ZC3H12B: variants seen among roughly 807,000 people sequenced by gnomAD.
ZC3H12B encodes the protein probable ribonuclease ZC3H12B.
A neutral mutation model predicts 43.9 loss-of-function variants in ZC3H12B; 7 were observed. The ratio of observed to expected loss-of-function variants is 0.16; its 90% CI spans 0.09 to 0.30. The LOEUF (loss-of-function observed/expected upper bound fraction) is 0.30, where lower values mean the gene tolerates loss of function less well. ZC3H12B is among the 10% of genes least tolerant of loss of function. The probability of loss-of-function intolerance (pLI) is 1.00; values close to 1 mark genes in which losing one functional copy is unlikely to be tolerated. For synonymous variants in ZC3H12B, 222 were observed against 241.7 expected, an observed-to-expected ratio of 0.92 and a Z score of 0.76; for missense variants, 475 against 670.2, an observed-to-expected ratio of 0.71 and a Z score of 3.22.
intron 3 of ZC3H12B, among the ~76,000 whole-genome samples, chrX:65,416,725 C>A (rs1247189621): frequency 5.6e-5 from 6 of 107,664 alleles, no homozygotes; most frequent in African/African-American, 1.7e-4. Context: ...GAAGGCGGAG[C>A]TTGCAGTGAG....
chrX:65,040,970 G>T, the ZC3H12B span, among the ~76,000 whole-genome samples: 1 of 111,417 alleles, frequency 9.0e-6, no homozygotes, highest in African/African-American at 3.3e-5. Context: ...TAGAGACCGG[G>T]TTTCACCATG....
chrX:65,297,437 C>T, the ZC3H12B span, among the ~76,000 whole-genome samples: 1 of 110,784 alleles, frequency 9.0e-6, no homozygotes, highest in African/African-American at 3.3e-5. Context: ...ATATACCTAA[C>T]CAAGGAGGTG....
At chrX:65,065,028 T>C in the ZC3H12B span, among the ~76,000 whole-genome samples, 1 of 111,080 alleles carries the variant, frequency 9.0e-6, no homozygotes, top group Non-Finnish European at 1.9e-5. Flanking sequence ...TTTCAGCCTA[T>C]GTGTGTCTTT....
At chrX:65,234,448 G>A in the ZC3H12B span, among the ~76,000 whole-genome samples, 2 of 111,713 alleles carry the variant, frequency 1.8e-5, no homozygotes, top group South Asian at 7.5e-4. Flanking sequence ...AAGATCTGGA[G>A]CAAGACAAGG....
chrX:65,449,550 T>C (rs1460295053), intron 3 of ZC3H12B, among the ~76,000 whole-genome samples: 1 of 108,863 alleles, frequency 9.2e-6, no homozygotes, highest in African/African-American at 3.4e-5. Flanking sequence ...ACCCAGGAGG[T>C]GGAGGTTGCA....
the ZC3H12B span, among the ~76,000 whole-genome samples, chrX:65,155,534 G>C: frequency 9.0e-6 from 1 of 110,877 alleles, no homozygotes; most frequent in Non-Finnish European, 1.9e-5. Flanking sequence ...GTTCGGTTTT[G>C]TACCAAGTTT....
the ZC3H12B span, among the ~76,000 whole-genome samples, chrX:65,059,749 A>G: frequency 1.8e-5 from 2 of 111,553 alleles, no homozygotes; most frequent in Non-Finnish European, 3.8e-5. Context: ...TGATTTTTCT[A>G]TTTATGTGAA....
At chrX:65,300,690 C>T in the ZC3H12B span, among the ~76,000 whole-genome samples, 46 of 111,191 alleles carry the variant, frequency 4.1e-4, 2 homozygotes, top group South Asian at 0.017. Flanking sequence ...TGTATCCTCC[C>T]TATACCACCG....
the ZC3H12B span, among the ~76,000 whole-genome samples, chrX:65,284,974 A>T: frequency 4.5e-5 from 5 of 111,502 alleles, no homozygotes; most frequent in Non-Finnish European, 7.5e-5. Context: ...CAAATCTTTC[A>T]TGACTTTTGG....
the ZC3H12B span, among the ~76,000 whole-genome samples, chrX:65,193,706 A>G: frequency 9.0e-6 from 1 of 111,651 alleles, no homozygotes; most frequent in East Asian, 2.8e-4. Context: ...TAGTTTTTTA[A>G]GATGAATCAT....
chrX:65,226,555 C>A, the ZC3H12B span, among the ~76,000 whole-genome samples: 10 of 111,430 alleles, frequency 9.0e-5, no homozygotes, highest in African/African-American at 3.3e-4. Flanking sequence ...TGTAAATGGA[C>A]TAAATGCTCC....
the ZC3H12B span, among the ~76,000 whole-genome samples, chrX:65,214,885 G>C: frequency 9.0e-6 from 1 of 111,408 alleles, no homozygotes; most frequent in Non-Finnish European, 1.9e-5. Flanking sequence ...AATACTTCTT[G>C]ATTCATGAGT....
At chrX:65,236,360 G>A in the ZC3H12B span, among the ~76,000 whole-genome samples, 1 of 110,901 alleles carries the variant, frequency 9.0e-6, no homozygotes, top group African/African-American at 3.3e-5. Flanking sequence ...TTTTGAGAAG[G>A]GTTTGTCCAT....
chrX:65,329,998 G>T, the ZC3H12B span, among the ~76,000 whole-genome samples: 1 of 112,004 alleles, frequency 8.9e-6, no homozygotes, highest in Non-Finnish European at 1.9e-5. Context: ...CTCCAGCTTT[G>T]TTCTTTTAGC....
the ZC3H12B span, among the ~76,000 whole-genome samples, chrX:65,139,300 T>C: frequency 8.9e-6 from 1 of 112,483 alleles, no homozygotes; most frequent in Admixed American, 9.4e-5. Context: ...TTTATCCTTC[T>C]GTGTATGGAT....
At chrX:65,117,819 A>T in the ZC3H12B span, among the ~76,000 whole-genome samples, 1 of 111,968 alleles carries the variant, frequency 8.9e-6, no homozygotes, top group South Asian at 3.7e-4. Context: ...TAAACAGGGA[A>T]TCCTTTCCCC....
At chrX:65,258,519 G>A in the ZC3H12B span, among the ~76,000 whole-genome samples, 2 of 111,690 alleles carry the variant, frequency 1.8e-5, no homozygotes, top group Admixed American at 9.5e-5. Context: ...AGACAAGGAT[G>A]TGCTTTCTCA....
At chrX:65,143,717 C>T in the ZC3H12B span, among the ~76,000 whole-genome samples, 2 of 108,442 alleles carry the variant, frequency 1.8e-5, no homozygotes, top group Non-Finnish European at 3.8e-5. Context: ...TGAGCACCAC[C>T]ATGCCCAGCT....
the ZC3H12B span, among the ~76,000 whole-genome samples, chrX:65,189,208 T>C: frequency 1.4e-4 from 15 of 105,346 alleles, no homozygotes; most frequent in Non-Finnish European, 2.5e-4. Context: ...GTTGGACATG[T>C]GGGTTGGTTC....
Sources: gnomAD v4.1 joint callset for allele counts (sites outside exome capture counted in the v4.1 genomes callset) on GRCh38, gnomAD v4.1.1 for gene constraint, MANE v1.5 for transcripts, NCBI Gene and HGNC (gene_info 2026-07-23, HGNC 2026-07-21) for gene names.